PLXNA4: variants seen among roughly 807,000 people sequenced by gnomAD.
The protein encoded by PLXNA4 is plexin-A4.
PLXNA4 carries 44 observed loss-of-function variants against 191.8 expected under a neutral mutation model. That is an observed-to-expected ratio of 0.23 (90% CI 0.18 to 0.29). The LOEUF (loss-of-function observed/expected upper bound fraction) is 0.29, where lower values mean the gene tolerates loss of function less well. PLXNA4 is among the 10% of genes least tolerant of loss of function. PLXNA4 has a pLI of 1.00. For missense variants in PLXNA4, 1,800 were observed against 2,488.8 expected (o/e 0.72, Z 5.89); for synonymous variants, 1,082 against 1,009.5 (o/e 1.07, Z -1.36).
At chr7:132,132,497 TTTCTATTCTATTCTATTCTA>T (rs1159802824) in intron 31 of PLXNA4, among the ~76,000 whole-genome samples, 1,244 of 111,946 alleles carry the variant, frequency 0.011, 27 homozygotes, top group East Asian at 0.02. Context: ...GCTCTATTCT[TTTCTATTCTATTCTATTCTA>T]TTCTATTCTA....
chr7:132,413,025 GT>G (rs1238992656), intron 3 of PLXNA4, among the ~76,000 whole-genome samples: 2 of 151,848 alleles, frequency 1.3e-5, no homozygotes, highest in East Asian at 3.9e-4. Flanking sequence ...TAGATGGGGG[GT>G]GGAGAGAGAA....
At chr7:132,476,529 G>A (rs1026620978) in intron 3 of PLXNA4, among the ~76,000 whole-genome samples, 2 of 152,220 alleles carry the variant, frequency 1.3e-5, no homozygotes, top group African/African-American at 4.8e-5. Flanking sequence ...AGAGGAGCAG[G>A]TTGGCAGGGA....
intron 14 of PLXNA4, among the ~76,000 whole-genome samples, chr7:132,189,671 A>C (rs1230057000): frequency 6.6e-6 from 1 of 152,118 alleles, no homozygotes; most frequent in African/African-American, 2.4e-5. Flanking sequence ...GTAGGGCCCA[A>C]AGAGTGCACC....
chr7:132,592,878 A>C (rs1802626885), intron 2 of PLXNA4, among the ~76,000 whole-genome samples: 1 of 151,988 alleles, frequency 6.6e-6, no homozygotes, highest in African/African-American at 2.4e-5. Flanking sequence ...TAAAAAAAAA[A>C]ACCCGAAGAC....
chr7:132,379,235 G>T (rs947722621), intron 3 of PLXNA4, among the ~76,000 whole-genome samples: 1 of 152,178 alleles, frequency 6.6e-6, no homozygotes, highest in Non-Finnish European at 1.5e-5. Context: ...CAGGACAAGT[G>T]GCTGGGTTGT....
At chr7:132,608,451 G>A (rs996184361) in intron 2 of PLXNA4, among the ~76,000 whole-genome samples, 3 of 152,192 alleles carry the variant, frequency 2.0e-5, no homozygotes, top group Non-Finnish European at 1.5e-5. Context: ...TGCACTCGAG[G>A]AACACTCAGT....
chr7:132,462,222 A>G (rs757796854), intron 3 of PLXNA4, among the ~76,000 whole-genome samples: 7 of 152,228 alleles, frequency 4.6e-5, no homozygotes, highest in Non-Finnish European at 1.0e-4. Flanking sequence ...ATGTGCTTTC[A>G]AAAACTTAAG....
At chr7:132,493,651 C>T (rs1239282242) in intron 2 of PLXNA4, among the ~76,000 whole-genome samples, 1 of 151,694 alleles carries the variant, frequency 6.6e-6, no homozygotes, top group African/African-American at 2.4e-5. Context: ...TAGCTTAGTG[C>T]CTGGCTTATA....
intron 2 of PLXNA4, among the ~76,000 whole-genome samples, chr7:132,634,305 C>A (rs1443097255): frequency 6.6e-6 from 1 of 152,144 alleles, no homozygotes; most frequent in African/African-American, 2.4e-5. Context: ...CTGTCCAGCC[C>A]ACTGCCACTA....
chr7:132,332,938 A>G (rs997260952), intron 3 of PLXNA4, among the ~76,000 whole-genome samples: 2 of 151,818 alleles, frequency 1.3e-5, no homozygotes, highest in Non-Finnish European at 2.9e-5. Flanking sequence ...TATCTATGAC[A>G]TGAATTCTGA....
At chr7:132,162,635 G>A (rs1162970065) in intron 24 of PLXNA4, among the ~76,000 whole-genome samples, 1 of 152,068 alleles carries the variant, frequency 6.6e-6, no homozygotes, top group African/African-American at 2.4e-5. Context: ...TCTATTTTTG[G>A]AAGGGTTTTC....
chr7:132,354,396 A>C (rs1220951954), intron 3 of PLXNA4, among the ~76,000 whole-genome samples: 1 of 152,176 alleles, frequency 6.6e-6, no homozygotes, highest in Non-Finnish European at 1.5e-5. Flanking sequence ...TTACATTCCC[A>C]CTTCTGCTCC....
At chr7:132,145,320 C>T (rs779869685) in intron 28 of PLXNA4, 32 bp from the exon 29 acceptor site, 36 of 1,612,018 alleles carry the variant, frequency 2.2e-5, no homozygotes, top group Admixed American at 1.8e-4. Flanking sequence ...AGACACAGCT[C>T]GACTCACGTA....
chr7:132,327,952 G>C (rs1484706102), intron 3 of PLXNA4, among the ~76,000 whole-genome samples: 1 of 152,160 alleles, frequency 6.6e-6, no homozygotes, highest in African/African-American at 2.4e-5. Context: ...CCTGTGTGGG[G>C]ACACAGGTGA....
In PLXNA4 at chr7:132,180,044, T is replaced by C. The variant is rs575195318; in HGVS notation, c.3640-123A>G. The C allele has an allele frequency of 2.6e-5, 37 of 1,432,454 alleles. No individual in the cohort carries two copies. In the African/African-American group the frequency reaches 4.8e-4, roughly 19 times the overall value. 88.7% of individuals were successfully genotyped at this position (1,432,454 alleles called of 1,614,324 possible). On this transcript the variant is annotated intron_variant, in intron 19 of 31. Transcript: ENST00000321063. Reference sequence around the variant, plus strand: ...ACGGAAAGGAGACCAATCACTGGTGTCAAAATAGACAAGAGGGCATGGGGG... The same window carrying C: ...ACGGAAAGGAGACCAATCACTGGTGCCAAAATAGACAAGAGGGCATGGGGG...
intron 5 of PLXNA4, among the ~76,000 whole-genome samples, chr7:132,239,664 T>G (rs945241917): frequency 1.3e-5 from 2 of 152,346 alleles, no homozygotes; most frequent in African/African-American, 4.8e-5. Flanking sequence ...TGGCCTGATC[T>G]GAGCCAATCT....
In PLXNA4 at chr7:132,147,748, C is replaced by T; in HGVS notation, c.4864+152G>A. On this transcript the variant is annotated intron_variant, in intron 27 of 31. Coordinates refer to ENST00000321063, the MANE Select transcript of PLXNA4 (RefSeq NM_020911.2). ...AGTGCCCGACTGAAACCAGGGTCCT[C>T]TTCCCCCACCTGGCTCTCTTCCCCG... 1.0e-5 allele frequency: 10 copies of T among 999,606 alleles called. 1 individual carries two copies. The highest frequency in any genetic ancestry group is 6.5e-4 in the Middle Eastern group (2 of 3,092). The allele number at this position is 999,606 out of a possible 1,614,324, so 61.9% of individuals were successfully genotyped here. A position where few individuals can be genotyped will look rare whatever the true frequency, so the allele number is the denominator to read the frequency against.
At chr7:132,484,745 C>A in intron 3 of PLXNA4, 2 of 1,589,846 alleles carry the variant, frequency 1.3e-6, no homozygotes, top group Non-Finnish European at 1.7e-6. Flanking sequence ...ACACTTCCAT[C>A]CATCTGCAGG....
intron 3 of PLXNA4, among the ~76,000 whole-genome samples, chr7:132,430,338 C>T (rs1795213618): frequency 6.6e-6 from 1 of 152,154 alleles, no homozygotes; most frequent in African/African-American, 2.4e-5. Flanking sequence ...CCGCATGAGG[C>T]ACACAGGAGA....
Sources: allele counts gnomAD v4.1 joint callset (sites outside exome capture counted in the v4.1 genomes callset), GRCh38; gene constraint gnomAD v4.1.1; transcripts MANE v1.5; gene names NCBI Gene and HGNC (gene_info 2026-07-23, HGNC 2026-07-21).